The following SCAP variants were observed in gnomAD, a reference collection of about 807,000 sequenced individuals.
SCAP encodes sterol regulatory element-binding protein cleavage-activating protein.
In SCAP, 65 loss-of-function variants were observed where a neutral mutation model predicts 123.6. The observed-to-expected ratio is 0.53, with a 90% CI of 0.43 to 0.65. SCAP has a LOEUF of 0.65. Ranked by LOEUF, SCAP falls within the 30% of genes least tolerant of loss-of-function variation. SCAP has a pLI of 0.00. For synonymous variants in SCAP, 740 were observed against 726.3 expected (o/e 1.02, Z -0.30); for missense variants, 1,398 against 1,712.5 (o/e 0.82, Z 3.24).
At chr3:47,447,010 C>T (rs373891396) in intron 1 of SCAP, among the ~76,000 whole-genome samples, 3 of 152,252 alleles carry the variant, frequency 2.0e-5, no homozygotes, top group African/African-American at 7.2e-5. Flanking sequence ...ATATAAATTC[C>T]TTTTTTTCCC....
chr3:47,418,778 C>T lies in SCAP; in HGVS notation c.2006G>A (p.Gly669Asp). 6.4e-7 allele frequency: 1 copy of T among 1,565,560 alleles called. No individual in the cohort carries two copies. Among genetic ancestry groups the T allele is most frequent in the Non-Finnish European group, 8.6e-7 (1 of 1,160,864 alleles). ...LRLNPREALE[G>D]RHPQDGRSAW... ...ACTGCGGCCGTCCTGAGGGTGCCGG[C>T]CCTCCAGAGCCTCCCTCGGGTTCAG... The change falls in exon 14 of 23, where the codon GGC becomes GAC. Residue 669 changes from glycine (G) to aspartate (D), a missense_variant. This residue lies in a region of SCAP where 828 missense variants were observed against 882.5 expected (regional missense o/e 0.94). Transcript: ENST00000265565.
chr3:47,446,184 T>C (rs570873024), intron 1 of SCAP, among the ~76,000 whole-genome samples: 24 of 150,654 alleles, frequency 1.6e-4, no homozygotes, highest in African/African-American at 5.1e-4. Flanking sequence ...ACCTTTTTTT[T>C]TTTTTTTGAG....
intron 1 of SCAP, 171 bp from the exon 2 acceptor site, chr3:47,443,262 ACACACACACACACACT>A (rs1308076430): frequency 2.6e-4 from 66 of 249,884 alleles, no homozygotes; most frequent in Middle Eastern, 1.4e-3. Context: ...ACACACACAC[ACACACACACACACACT>A]CTCTCTCTCT....
At position 47,442,948 on chromosome 3, in the gene SCAP, A is replaced by T; in HGVS notation, c.46T>A (p.Tyr16Asn). The T allele has an allele frequency of 6.2e-7, 1 of 1,614,202 alleles. No individual in the cohort carries two copies. Among genetic ancestry groups the T allele is most frequent in the Non-Finnish European group, 8.5e-7 (1 of 1,180,040 alleles). Residue 16 changes from tyrosine to asparagine, a missense_variant, in exon 2 of 23, where the codon TAC becomes AAC. Around this residue, in one of 7 missense-constraint regions of SCAP, gnomAD observed 319 missense variants for 432.4 expected, o/e 0.74. Coordinates refer to ENST00000265565, the MANE Select transcript of SCAP (RefSeq NM_012235.4). ...GATGCACAGAGGAGCCCATGGTTGT[A>T]GAAGGCCCGAGATATCTTCTCACGC... is the stretch of plus-strand genomic sequence containing the variant. Reference protein sequence around the residue: ...RLREKISRAFYNHGLLCASYP... With the variant: ...RLREKISRAFNNHGLLCASYP...
chr3:47,460,926 A>C (rs553396814), intron 1 of SCAP, among the ~76,000 whole-genome samples: 19 of 152,248 alleles, frequency 1.2e-4, no homozygotes, highest in African/African-American at 4.3e-4. Context: ...GTTTGTGAGG[A>C]GAAATGTGGC....
At chr3:47,466,450 GA>G (rs916797721) in intron 1 of SCAP, among the ~76,000 whole-genome samples, 1 of 151,652 alleles carries the variant, frequency 6.6e-6, no homozygotes, top group Admixed American at 6.6e-5. Flanking sequence ...CATCTAACCT[GA>G]AAAAAAGAAA....
At chr3:47,459,295 C>T (rs1707540344) in intron 1 of SCAP, among the ~76,000 whole-genome samples, 1 of 152,212 alleles carries the variant, frequency 6.6e-6, no homozygotes, top group African/African-American at 2.4e-5. Flanking sequence ...GGCTAAACAC[C>T]CTTTGCCTGA....
At position 47,414,665 on chromosome 3, in the gene SCAP, T is replaced by C. The variant is rs1057023394; in HGVS notation, c.3307-13A>G. On this transcript the variant is annotated splice_polypyrimidine_tract_variant and intron_variant, in intron 20 of 22. Transcript: ENST00000265565. The stretch of plus-strand genomic sequence containing the variant: ...CCAGACGGAACACCTGGGACAGGGA[T>C]GGGCCTCAGGTTCTGGTCTCTGGGA... 6.2e-7 allele frequency: 1 copy of C among 1,613,158 alleles called. No individual in the cohort carries two copies. Among genetic ancestry groups the C allele is most frequent in the Non-Finnish European group, 8.5e-7 (1 of 1,179,964 alleles).
At chr3:47,474,329 A>T (rs1576326420) in intron 1 of SCAP, among the ~76,000 whole-genome samples, 1 of 152,124 alleles carries the variant, frequency 6.6e-6, no homozygotes, top group African/African-American at 2.4e-5. Context: ...TAATAAATTT[A>T]AAAAGCCTAA....
chr3:47,422,124 A>G (rs1271945909), intron 10 of SCAP, among the ~76,000 whole-genome samples: 3 of 152,264 alleles, frequency 2.0e-5, no homozygotes, highest in Non-Finnish European at 2.9e-5. Flanking sequence ...AGCTCCTGCC[A>G]TGCCCTTGCA....
chr3:47,455,594 CAAAAAAAAAAA>C (rs544006040), intron 1 of SCAP, among the ~76,000 whole-genome samples: 5 of 42,432 alleles, frequency 1.2e-4, no homozygotes, highest in East Asian at 6.3e-4. Context: ...GACTCCACCT[CAAAAAAAAAAA>C]AAAAAAAAAA....
Position 47,428,647 on chromosome 3 carries a change from A to G in SCAP, c.276T>C (p.Tyr92=), listed in dbSNP as rs1706240219. 1.2e-6 allele frequency: 2 copies of G among 1,614,144 alleles called. No homozygotes were observed. The highest frequency in any genetic ancestry group is 1.7e-6 in the Non-Finnish European group (2 of 1,180,006). Residue 92 remains tyrosine (Y), a synonymous_variant, in exon 4 of 23, where the codon TAT becomes TAC. Transcript: ENST00000265565. ...PEWYVGAPVA[Y]VQQIFVKSSV... is the part of the protein sequence containing the mutation. ...AGGACTTCACAAATATCTGCTGGAC[A>G]TAAGCCACCGGGGCACCCACATACT...
chr3:47,420,631 G>T lies in SCAP; in HGVS notation c.1486C>A (p.Arg496=), dbSNP rs1376834442. 1 of 1,612,154 alleles carries T rather than the reference G, an allele frequency of 6.2e-7. No homozygotes were observed. Among genetic ancestry groups the T allele is most frequent in the African/African-American group, 1.3e-5 (1 of 74,884 alleles). Residue 496 remains arginine (R), a synonymous_variant, in exon 12 of 23, where the codon CGA becomes AGA. Transcript: ENST00000265565. This position sits in a 1 kb window ranked among gnomAD's most constrained non-coding sequence, Gnocchi z 5.0. ...HTITLQPSSF[R]NLRLPKRLRV... Reference sequence around the variant, plus strand: ...AGCCTCTTGGGGAGCCGCAGGTTTCGGAAGGAAGACGGCTGCAACGTGATG... The same window carrying T: ...AGCCTCTTGGGGAGCCGCAGGTTTCTGAAGGAAGACGGCTGCAACGTGATG...
intron 7 of SCAP, 149 bp from the exon 8 acceptor site, chr3:47,425,760 T>A (rs1011168174): frequency 2.0e-5 from 19 of 951,628 alleles, no homozygotes; most frequent in Non-Finnish European, 3.0e-5. Flanking sequence ...CTTCCCAGTG[T>A]CATGGACACA....
At position 47,419,515 on chromosome 3, in the gene SCAP, G is replaced by A; in HGVS notation, c.1753C>T (p.Pro585Ser). The A allele has an allele frequency of 2.5e-6, 4 of 1,613,974 alleles. 1 individual carries two copies. The South Asian group carries it at 3.3e-5, about 13-fold the overall frequency. ...PAFSIFPPDA[P>S]KLPENQTSPG... is the part of the protein sequence containing the mutation. ...GACGTCTGGTTCTCAGGTAGCTTAG[G>A]GGCATCAGGTGGGAAGATGGAGAAG... is the stretch of plus-strand genomic sequence containing the variant. The change falls in exon 13 of 23, where the codon CCT becomes TCT. Residue 585 changes from proline (P) to serine (S), a missense_variant. By Grantham distance (74) the Pro-to-Ser change is moderately conservative. Around this residue, in one of 7 missense-constraint regions of SCAP, gnomAD observed 828 missense variants for 882.5 expected, o/e 0.94. Transcript: ENST00000265565. This position sits in a 1 kb window ranked among gnomAD's most constrained non-coding sequence, Gnocchi z 5.0.
At chr3:47,467,243 A>T (rs943846536) in intron 1 of SCAP, among the ~76,000 whole-genome samples, 1 of 152,180 alleles carries the variant, frequency 6.6e-6, no homozygotes, top group African/African-American at 2.4e-5. Context: ...CCTACAACTC[A>T]ACAATAACAA....
At chr3:47,440,359 G>A (rs1227336004) in intron 2 of SCAP, among the ~76,000 whole-genome samples, 3 of 152,102 alleles carry the variant, frequency 2.0e-5, no homozygotes, top group Non-Finnish European at 4.4e-5. Context: ...TTGTGTCCCT[G>A]GGTCCATGAT....
At chr3:47,466,144 A>C (rs1391950251) in intron 1 of SCAP, among the ~76,000 whole-genome samples, 9 of 151,632 alleles carry the variant, frequency 5.9e-5, no homozygotes, top group African/African-American at 9.6e-5. Context: ...ACCAAAAAAA[A>C]AAAAAAAAAA....
rs759168890 is a variant in SCAP at position 47,418,152 on chromosome 3, G to A, written c.2429C>T (p.Thr810Met). Residue 810 changes from threonine (T) to methionine (M), a missense_variant, in exon 16 of 23, where the codon ACG becomes ATG. By Grantham distance (81) the Thr-to-Met change is moderately conservative (BLOSUM62 -1). Coordinates refer to ENST00000265565, the MANE Select transcript of SCAP (RefSeq NM_012235.4). ...CACCTACCCTGGGCGCGGAATGCGCGTTAGGCAATCCCCGGTCTGCGCGTC... is the reference window on the plus strand; with the variant it reads ...CACCTACCCTGGGCGCGGAATGCGCATTAGGCAATCCCCGGTCTGCGCGTC... ...VWDAQTGDCL[T>M]RIPRPGRQRR... 6 of 1,567,462 alleles carry A rather than the reference G, an allele frequency of 3.8e-6. No individual in the cohort carries two copies. The highest frequency in any genetic ancestry group is 2.3e-5 in the South Asian group (2 of 85,478).
Sources: gnomAD v4.1 joint callset for allele counts (sites outside exome capture counted in the v4.1 genomes callset) on GRCh38, gnomAD v4.1.1 for gene constraint, gnomAD v4.1.1 regional missense constraint, Gnocchi (gnomAD v3.1) non-coding constraint, MANE v1.5 for transcripts, NCBI Gene and HGNC (gene_info 2026-07-23, HGNC 2026-07-21) for gene names.